Variants in ASTN2 observed in about 807,000 individuals in gnomAD.
The protein encoded by ASTN2 is astrotactin-2.
ASTN2 carries 54 observed loss-of-function variants against 139.8 expected under a neutral mutation model. That is an observed-to-expected ratio of 0.39 (90% CI 0.31 to 0.48). The LOEUF (loss-of-function observed/expected upper bound fraction) is 0.48, where lower values mean the gene tolerates loss of function less well. Ranked by LOEUF, ASTN2 falls within the 20% of genes least tolerant of loss-of-function variation. ASTN2 has a pLI of 0.95. For missense variants in ASTN2, 1,565 were observed against 1,725.1 expected, an observed-to-expected ratio of 0.91 and a Z score of 1.64; for synonymous variants, 756 against 719.5, an observed-to-expected ratio of 1.05 and a Z score of -0.81.
At chr9:116,543,707 T>C (rs376742812) in intron 19 of ASTN2, 2 of 152,178 alleles carry the variant, frequency 1.3e-5, no homozygotes, top group African/African-American at 4.8e-5. Context: ...CATCCACAGA[T>C]GGTCAACATT....
intron 14 of ASTN2, among the ~76,000 whole-genome samples, chr9:116,730,952 G>T (rs1828761887): frequency 6.6e-6 from 1 of 152,008 alleles, no homozygotes; most frequent in African/African-American, 2.4e-5. Flanking sequence ...CAAGGTCACG[G>T]TCTATATTCC....
chr9:116,758,732 G>C (rs1034691043), intron 13 of ASTN2, among the ~76,000 whole-genome samples: 3 of 152,066 alleles, frequency 2.0e-5, no homozygotes, highest in Non-Finnish European at 2.9e-5. Context: ...GACAGCTTGA[G>C]GGCAGGAGAA....
intron 1 of ASTN2, among the ~76,000 whole-genome samples, chr9:117,368,797 T>G (rs1829915003): frequency 1.3e-5 from 2 of 152,156 alleles, no homozygotes; most frequent in South Asian, 4.1e-4. Context: ...AAAATCCCAT[T>G]ATCACAAAGC....
chr9:116,588,420 C>T lies in ASTN2; in HGVS notation c.3355+29904G>A, dbSNP rs900680372. On this transcript the variant is annotated intron_variant, in intron 19 of 22. Coordinates refer to ENST00000313400, the MANE Select transcript of ASTN2 (RefSeq NM_001365068.1). The stretch of plus-strand genomic sequence containing the variant: ...AGTCTGTTTATTCACTGAGCAGTGA[C>T]AGTGGGGTCATAGCAACAGACAAAA... 1.3e-4 allele frequency among the ~76,000 whole-genome samples: 20 copies of T among 152,270 alleles called. 1 individual carries two copies. The highest frequency in any genetic ancestry group is 3.4e-3 in the Middle Eastern group (1 of 294).
intron 19 of ASTN2, chr9:116,540,319 C>G (rs985706795): frequency 6.6e-6 from 1 of 152,090 alleles, no homozygotes; most frequent in African/African-American, 2.4e-5. Context: ...AAAAATCATA[C>G]CCATCTAAAT....
intron 5 of ASTN2, among the ~76,000 whole-genome samples, chr9:117,091,270 ATCATTCAT>A (rs941794678): frequency 6.6e-6 from 1 of 152,176 alleles, no homozygotes; most frequent in African/African-American, 2.4e-5. Flanking sequence ...ACATTCACTC[ATCATTCAT>A]TCATTCATTC....
At chr9:116,478,430 T>C (rs1181723027) in intron 20 of ASTN2, among the ~76,000 whole-genome samples, 1 of 152,082 alleles carries the variant, frequency 6.6e-6, no homozygotes, top group Non-Finnish European at 1.5e-5. Flanking sequence ...CCCTGGTGTG[T>C]CCTGGATAAA....
intron 19 of ASTN2, among the ~76,000 whole-genome samples, chr9:116,522,217 T>C (rs1330989039): frequency 6.6e-6 from 1 of 152,038 alleles, no homozygotes; most frequent in African/African-American, 2.4e-5. Context: ...TGCACATACA[T>C]GTTTATAGCA....
chr9:117,039,693 C>T (rs1838494640), intron 6 of ASTN2, 126 bp downstream of exon 6: 19 of 1,019,668 alleles, frequency 1.9e-5, no homozygotes, highest in Non-Finnish European at 2.5e-5. Context: ...TTTAGATGCT[C>T]CTTTTTTTCC....
intron 1 of ASTN2, among the ~76,000 whole-genome samples, chr9:117,307,078 T>A (rs116965607): frequency 6.6e-6 from 1 of 152,222 alleles, no homozygotes; most frequent in African/African-American, 2.4e-5. Context: ...CAAAAAGCCA[T>A]GTTTATACAA....
intron 5 of ASTN2, among the ~76,000 whole-genome samples, chr9:117,076,789 C>A (rs1455399671): frequency 6.6e-6 from 1 of 152,156 alleles, no homozygotes; most frequent in East Asian, 1.9e-4. Flanking sequence ...ATGACAACAG[C>A]CTCTTTAACA....
chr9:117,299,095 G>A (rs1290072370), intron 1 of ASTN2, among the ~76,000 whole-genome samples: 7 of 152,086 alleles, frequency 4.6e-5, no homozygotes, highest in Non-Finnish European at 1.0e-4. Flanking sequence ...TATAGAAAAT[G>A]GACTCTGTTA....
chr9:117,006,192 G>C (rs140471929), intron 7 of ASTN2, among the ~76,000 whole-genome samples: 1 of 152,176 alleles, frequency 6.6e-6, no homozygotes, highest in Non-Finnish European at 1.5e-5. Context: ...GGTTGCTAGA[G>C]GTTCTACTAC....
intron 13 of ASTN2, among the ~76,000 whole-genome samples, chr9:116,790,677 ATTTTT>A (rs372460577): frequency 7.2e-6 from 1 of 138,214 alleles, no homozygotes; most frequent in Non-Finnish European, 1.6e-5. Context: ...ATCTCCAGAG[ATTTTT>A]TTTTTTTTTT....
chr9:116,499,264 T>G (rs1849775047), intron 19 of ASTN2, among the ~76,000 whole-genome samples: 1 of 152,192 alleles, frequency 6.6e-6, no homozygotes, highest in Admixed American at 6.5e-5. Context: ...ATTTCCCCAG[T>G]GTCTAGCAGA....
chr9:117,080,218 T>C (rs750656731), intron 5 of ASTN2, among the ~76,000 whole-genome samples: 1 of 152,230 alleles, frequency 6.6e-6, no homozygotes. Flanking sequence ...CTTTTTTAAA[T>C]GAGTTGATTT....
intron 2 of ASTN2, among the ~76,000 whole-genome samples, chr9:117,278,739 C>T (rs956109556): frequency 3.3e-5 from 5 of 151,852 alleles, no homozygotes; most frequent in Non-Finnish European, 4.4e-5. Context: ...CATTAGCAGC[C>T]GAAGTTTGAA....
intron 10 of ASTN2, among the ~76,000 whole-genome samples, chr9:116,961,715 G>GT (rs1314075030): frequency 3.3e-5 from 5 of 152,146 alleles, no homozygotes; most frequent in African/African-American, 1.2e-4. Context: ...TGTACTTAAT[G>GT]AACACTTATT....
rs1341373564 is a variant in ASTN2 at position 116,809,079 on chromosome 9, T to G, written c.2208-3259A>C. ...CATATATATTAAAATTTTTTTCCAG[T>G]CTGTGCTTGTATTTTAATCTTGCTT... On this transcript the variant is annotated intron_variant, in intron 12 of 22. Coordinates refer to ENST00000313400, the MANE Select transcript of ASTN2 (RefSeq NM_001365068.1). Among the ~76,000 whole-genome samples, 4 of 152,170 alleles carry G rather than the reference T, an allele frequency of 2.6e-5. No homozygotes were observed. The South Asian group carries it at 8.3e-4, about 31-fold the overall frequency.
Sources: gnomAD v4.1 joint callset for allele counts (sites outside exome capture counted in the v4.1 genomes callset) on GRCh38, gnomAD v4.1.1 for gene constraint, MANE v1.5 for transcripts, NCBI Gene and HGNC (gene_info 2026-07-23, HGNC 2026-07-21) for gene names.